KCTD2: variants seen among roughly 807,000 people sequenced by gnomAD.
KCTD2 encodes BTB/POZ domain-containing protein KCTD2.
Under a neutral mutation model 27.9 loss-of-function variants are expected in KCTD2, and 18 were observed. The observed-to-expected ratio is 0.64, with a 90% CI of 0.45 to 0.96. The LOEUF is 0.96. Among genes scored for constraint, KCTD2 ranks in the 40% least tolerant of loss-of-function variants. The probability of loss-of-function intolerance (pLI) is 0.00; values close to 1 mark genes in which losing one functional copy is unlikely to be tolerated. For synonymous variants in KCTD2, 175 were observed against 148.4 expected, an observed-to-expected ratio of 1.18 and a Z score of -1.30; for missense variants, 280 against 348.0, an observed-to-expected ratio of 0.80 and a Z score of 1.56.
chr17:75,053,858 C>CTTTTTT (rs71159419), intron 3 of KCTD2, among the ~76,000 whole-genome samples: 1,175 of 59,310 alleles, frequency 0.02, 235 homozygotes, highest in East Asian at 0.091. Context: ...GTGAACCATG[C>CTTTTTT]TTTTTTTTTT....
chr17:75,043,258 C>T (rs1441804565), upstream of KCTD2, among the ~76,000 whole-genome samples: 3 of 152,168 alleles, frequency 2.0e-5, no homozygotes, highest in Non-Finnish European at 4.4e-5. Flanking sequence ...TTTTCAAATT[C>T]AAAGTGTGCA....
At chr17:75,044,246 C>T (rs1338754033), upstream of KCTD2, among the ~76,000 whole-genome samples, 1 of 93,150 alleles carries the variant, frequency 1.1e-5, no homozygotes, top group Non-Finnish European at 1.8e-5. Flanking sequence ...TCGCCCAGGC[C>T]GGACTGCGGA....
rs572209882 is a variant in KCTD2 at position 75,051,863 on chromosome 17, C to A, written c.449-1151C>A. Reference sequence around the variant, plus strand: ...GTTGTCCTAATAATGGCCTTTATAGCAAATTTATTCCTATAGGATCACACG... The same window carrying A: ...GTTGTCCTAATAATGGCCTTTATAGAAAATTTATTCCTATAGGATCACACG... On this transcript the variant is annotated intron_variant, in intron 2 of 5. Coordinates refer to ENST00000322444, the MANE Select transcript of KCTD2 (RefSeq NM_015353.3). Among the ~76,000 whole-genome samples the A allele has an allele frequency of 3.4e-4, 52 of 152,240 alleles. No homozygotes were observed. The South Asian group carries it at 6.8e-3, about 20-fold the overall frequency.
Position 75,063,360 on chromosome 17 carries a change from T to A in KCTD2, c.*313T>A. The A allele has an allele frequency of 2.4e-6, 1 of 413,508 alleles. No homozygotes were observed. Among genetic ancestry groups the A allele is most frequent in the Non-Finnish European group, 4.5e-6 (1 of 222,688 alleles). The allele number at this position is 413,508 out of a possible 1,614,324, so 25.6% of individuals were successfully genotyped here. On this transcript the variant is annotated 3_prime_UTR_variant, in exon 6 of 6. Transcript: ENST00000322444. Reference sequence around the variant, plus strand: ...CGGAGCCTTTCGGGGATCTGGGGGATGAGGGCGGAAGGCCTAGCTCCTTGG... The same window carrying A: ...CGGAGCCTTTCGGGGATCTGGGGGAAGAGGGCGGAAGGCCTAGCTCCTTGG...
chr17:75,040,244 G>A (rs2073145521), intron 3 of KCTD2: 5 of 1,536,300 alleles, frequency 3.3e-6, no homozygotes, highest in East Asian at 4.5e-5. Context: ...ATACACCCAG[G>A]AGCTCAAAGG....
In KCTD2 at chr17:75,053,431, A is replaced by G. The variant is rs574129314; in HGVS notation, c.540+326A>G. 4.7e-5 allele frequency among the ~76,000 whole-genome samples: 7 copies of G among 149,026 alleles called. No individual in the cohort carries two copies. The East Asian group carries it at 1.4e-3, about 29-fold the overall frequency. On this transcript the variant is annotated intron_variant, in intron 3 of 5. Coordinates refer to ENST00000322444, the MANE Select transcript of KCTD2 (RefSeq NM_015353.3). The stretch of plus-strand genomic sequence containing the variant: ...TAAAGACCATAGAGGTCTTGGTTGC[A>G]CCCGTTGGCCGCTCTTTTTTTTTTT...
chr17:75,065,302 C>T lies in KCTD2; in HGVS notation c.*2255C>T, dbSNP rs973420090. The T allele has an allele frequency of 1.3e-5, 2 of 152,256 alleles. No individual in the cohort carries two copies. The highest frequency in any genetic ancestry group is 4.8e-5 in the African/African-American group (2 of 41,442). 9.4% of individuals were successfully genotyped at this position (152,256 alleles called of 1,614,324 possible). ...CCAGGACTCTGGGTTCTTAAGATTT[C>T]TGGGAGCGTTGTTCACCCACCCCCT... On this transcript the variant is annotated 3_prime_UTR_variant, in exon 6 of 6. Coordinates refer to ENST00000322444, the MANE Select transcript of KCTD2 (RefSeq NM_015353.3).
intron 4 of KCTD2, among the ~76,000 whole-genome samples, chr17:75,061,168 T>A (rs564109529): frequency 2.0e-5 from 3 of 152,334 alleles, no homozygotes; most frequent in African/African-American, 7.2e-5. Flanking sequence ...CCCTTCTGGA[T>A]GAGGAAGTTT....
chr17:75,047,016 G>A (rs940249753), upstream of KCTD2: 22 of 230,310 alleles, frequency 9.6e-5, no homozygotes, highest in Non-Finnish European at 1.6e-4. Context: ...CAAAGCCAAG[G>A]GGGTGGGCCT....
At chr17:75,048,896 C>T (rs749835626) in intron 1 of KCTD2, 4 of 196,664 alleles carry the variant, frequency 2.0e-5, no homozygotes, top group Admixed American at 1.2e-4. Context: ...ATAACAAACA[C>T]GCTACAGAAG....
chr17:75,036,027 A>C (rs1021796608), intron 3 of KCTD2: 5 of 454,344 alleles, frequency 1.1e-5, no homozygotes, highest in Non-Finnish European at 2.2e-5. Flanking sequence ...ACTTGGACAT[A>C]GGGGAGAATA....
In KCTD2 at chr17:75,063,038, G is replaced by C. The variant is rs557651506; in HGVS notation, c.783G>C (p.Ser261=). The C allele has an allele frequency of 6.2e-7, 1 of 1,613,954 alleles. No individual in the cohort carries two copies. The change falls in exon 6 of 6, where the codon TCG becomes TCC. Residue 261 remains serine, a synonymous_variant. Transcript: ENST00000322444. The part of the protein sequence containing the change: ...EKAKILQERG[S]RM ...TTCAGATTCTTCAGGAGAGAGGATCGCGGATGTAAACTAAGACCCCGAAAA... is the reference window on the plus strand; with the variant it reads ...TTCAGATTCTTCAGGAGAGAGGATCCCGGATGTAAACTAAGACCCCGAAAA...
chr17:75,059,562 C>T lies in KCTD2; in HGVS notation c.593C>T (p.Thr198Met). 2 of 1,614,118 alleles carry T rather than the reference C, an allele frequency of 1.2e-6. No individual in the cohort carries two copies. Among genetic ancestry groups the T allele is most frequent in the Non-Finnish European group, 8.5e-7 (1 of 1,180,000 alleles). The change falls in exon 4 of 6, where the codon ACG becomes ATG. Residue 198 changes from threonine (T) to methionine (M), a missense_variant. Physicochemically the swap from Thr to Met is moderately conservative, Grantham distance 81. Transcript: ENST00000322444. The stretch of plus-strand genomic sequence containing the variant: ...CTGCAGTGTCAGGAAGAAGAGCTCA[C>T]GCAGATGGTGTCCACGATGTCCGAC... Reference protein sequence around the residue: ...RVLQCQEEELTQMVSTMSDGW... With the variant: ...RVLQCQEEELMQMVSTMSDGW...
At chr17:75,042,110 A>G (rs2073167231) in intron 3 of KCTD2, 1 of 1,350,522 alleles carries the variant, frequency 7.4e-7, no homozygotes, top group Non-Finnish European at 1.0e-6. Flanking sequence ...TGTGTATGTA[A>G]TTATCCCTGT....
At chr17:75,035,722 C>T (rs952587343) in intron 3 of KCTD2, among the ~76,000 whole-genome samples, 2 of 152,118 alleles carry the variant, frequency 1.3e-5, no homozygotes, top group Non-Finnish European at 2.9e-5. Flanking sequence ...CCCAGCTACT[C>T]AGGAGGCGGA....
In KCTD2 at chr17:75,032,972, A is replaced by T. The variant is rs2040078943; in HGVS notation, c.-470+248A>T. ...CTGCAGACTCTACATTTTGGAGAGAAACAGAAAAGAATGTCCCCAAGTCTC... is the reference window on the plus strand; with the variant it reads ...CTGCAGACTCTACATTTTGGAGAGATACAGAAAAGAATGTCCCCAAGTCTC... On this transcript the variant is annotated intron_variant, in intron 1 of 7. Coordinates refer to the KCTD2 transcript ENST00000581589. The surrounding 1 kb of genome is among the most constrained non-coding windows in gnomAD (Gnocchi z 4.8). The T allele has an allele frequency of 6.6e-6, 1 of 152,240 alleles. No homozygotes were observed. Among genetic ancestry groups the T allele is most frequent in the African/African-American group, 2.4e-5 (1 of 41,454 alleles). 9.4% of individuals were successfully genotyped at this position (152,240 alleles called of 1,614,324 possible). A position where few individuals can be genotyped will look rare whatever the true frequency, so the allele number is the denominator to read the frequency against.
chr17:75,042,137 C>G (rs765385788), intron 3 of KCTD2: 1 of 1,531,672 alleles, frequency 6.5e-7, no homozygotes, highest in South Asian at 1.1e-5. Context: ...TCCCTACCCA[C>G]AGGCATGTTA....
chr17:75,060,723 G>T, intron 4 of KCTD2: 1 of 833,508 alleles, frequency 1.2e-6, no homozygotes, highest in South Asian at 1.9e-5. Flanking sequence ...GCCACCCTGG[G>T]ATCAACCGCC....
Position 75,035,646 on chromosome 17 carries a change from C to T in KCTD2, c.-259+289C>T, listed in dbSNP as rs941840481. ...CCGCCTGACCAACATGGTGAAACCC[C>T]GTCTCTACTAAAAATACAAAAATAC... On this transcript the variant is annotated intron_variant, in intron 3 of 7. Transcript: ENST00000581589. Among the ~76,000 whole-genome samples the T allele has an allele frequency of 2.1e-4, 32 of 152,102 alleles. 1 individual carries two copies. Among genetic ancestry groups the T allele is most frequent in the Non-Finnish European group, 3.2e-4 (22 of 68,020 alleles).
Sources: allele counts gnomAD v4.1 joint callset (sites outside exome capture counted in the v4.1 genomes callset), GRCh38; gene constraint gnomAD v4.1.1; non-coding constraint Gnocchi (gnomAD v3.1); transcripts MANE v1.5; gene names NCBI Gene and HGNC (gene_info 2026-07-23, HGNC 2026-07-21).